The following LACTB variants were observed in gnomAD, a reference collection of about 807,000 sequenced individuals.
LACTB encodes serine beta-lactamase-like protein LACTB, mitochondrial.
Under a neutral mutation model 50.2 loss-of-function variants are expected in LACTB, and 35 were observed. That is an observed-to-expected ratio of 0.70 (90% CI 0.53 to 0.92). The LOEUF (loss-of-function observed/expected upper bound fraction) is 0.92. Among genes scored for constraint, LACTB ranks in the 40% least tolerant of loss-of-function variants. The pLI, the probability that LACTB is intolerant of heterozygous loss-of-function variation, is 0.00. For synonymous variants in LACTB, 252 were observed against 268.2 expected (o/e 0.94, Z 0.59); for missense variants, 664 against 691.8 (o/e 0.96, Z 0.45).
intron 5 of LACTB, among the ~76,000 whole-genome samples, chr15:63,131,632 T>C (rs1376685376): frequency 6.6e-6 from 1 of 152,140 alleles, no homozygotes; most frequent in Non-Finnish European, 1.5e-5. Context: ...ATTAAGTACA[T>C]ACATTTTCTT....
chr15:63,136,364 G>A (rs2037177297), intron 5 of LACTB, among the ~76,000 whole-genome samples: 1 of 151,958 alleles, frequency 6.6e-6, no homozygotes, highest in African/African-American at 2.4e-5. Flanking sequence ...AAGGCGATGG[G>A]TTTCTATCTC....
At chr15:63,133,720 A>G (rs1014763207) in intron 5 of LACTB, among the ~76,000 whole-genome samples, 1 of 152,242 alleles carries the variant, frequency 6.6e-6, no homozygotes, top group Non-Finnish European at 1.5e-5. Context: ...GATTAAAGTA[A>G]TGTGAACTAA....
chr15:63,124,624 G>T (rs1004200606), intron 2 of LACTB, among the ~76,000 whole-genome samples: 2 of 151,878 alleles, frequency 1.3e-5, no homozygotes, highest in African/African-American at 4.8e-5. Flanking sequence ...GATCTAATTG[G>T]TCATCCTAGG....
At chr15:63,137,122 A>G (rs1470328395) in intron 5 of LACTB, among the ~76,000 whole-genome samples, 1 of 152,230 alleles carries the variant, frequency 6.6e-6, no homozygotes, top group Non-Finnish European at 1.5e-5. Flanking sequence ...GTTGTCTTGA[A>G]TAAAATTGGG....
intron 4 of LACTB, among the ~76,000 whole-genome samples, chr15:63,127,930 C>G (rs2037075612): frequency 6.6e-6 from 1 of 152,208 alleles, no homozygotes; most frequent in Non-Finnish European, 1.5e-5. Context: ...TCAAGATGTT[C>G]ATGCAAACTT....
rs570910179 is a variant in LACTB at position 63,134,042 on chromosome 15, G to C, written c.1118+4392G>C. ...AGAAGTTTATAAAATGGCCAGTTGA[G>C]TTATATCTTGATTATTTGTGGTCAG... On this transcript the variant is annotated intron_variant, in intron 5 of 5. Transcript: ENST00000261893. 2.6e-5 allele frequency among the ~76,000 whole-genome samples: 4 copies of C among 152,232 alleles called. 1 individual carries two copies. In the East Asian group the frequency reaches 7.7e-4, roughly 29 times the overall value.
chr15:63,132,409 G>A (rs1189458647), intron 5 of LACTB, among the ~76,000 whole-genome samples: 1 of 152,146 alleles, frequency 6.6e-6, no homozygotes, highest in African/African-American at 2.4e-5. Context: ...TATATGTGTA[G>A]ATATTTAATT....
intron 5 of LACTB, among the ~76,000 whole-genome samples, chr15:63,132,270 G>A (rs2037141294): frequency 6.6e-6 from 1 of 152,098 alleles, no homozygotes; most frequent in African/African-American, 2.4e-5. Flanking sequence ...TGTACCCAGT[G>A]TTTAGCCCCT....
At chr15:63,137,410 A>T (rs1367012848) in intron 5 of LACTB, among the ~76,000 whole-genome samples, 1 of 152,194 alleles carries the variant, frequency 6.6e-6, no homozygotes, top group Non-Finnish European at 1.5e-5. Flanking sequence ...TTATAACTAG[A>T]TGGGATGAAA....
intron 2 of LACTB, among the ~76,000 whole-genome samples, chr15:63,124,053 T>A (rs1392130543): frequency 1.3e-5 from 2 of 152,210 alleles, no homozygotes; most frequent in African/African-American, 4.8e-5. Context: ...TTGACGCTCT[T>A]CGCTACCGCT....
chr15:63,124,089 C>T (rs561054233), intron 2 of LACTB, among the ~76,000 whole-genome samples: 1 of 152,300 alleles, frequency 6.6e-6, no homozygotes, highest in East Asian at 1.9e-4. Flanking sequence ...TGGCAACGGG[C>T]GTCTTCCTAG....
intron 5 of LACTB, among the ~76,000 whole-genome samples, chr15:63,134,011 TGA>T (rs991723522): frequency 5.3e-4 from 80 of 152,266 alleles, no homozygotes; most frequent in African/African-American, 1.9e-3. Flanking sequence ...GTTAGGAGGG[TGA>T]GTCAGAAGTT....
Position 63,122,695 on chromosome 15 carries a change from G to T in LACTB, c.417G>T (p.Trp139Cys). The T allele has an allele frequency of 6.2e-7, 1 of 1,611,842 alleles. No homozygotes were observed. Among genetic ancestry groups the T allele is most frequent in the Non-Finnish European group, 8.5e-7 (1 of 1,177,860 alleles). ...VGVSVDGKEV[W>C]SEGLGYADVE... ...TTTCTGTAGATGGAAAAGAAGTCTG[G>T]TCAGAAGGTGGGTTCAGAAAATTGT... is the stretch of plus-strand genomic sequence containing the variant. The change falls in exon 2 of 6, where the codon TGG becomes TGT. Residue 139 changes from tryptophan to cysteine, a missense_variant. Coordinates refer to ENST00000261893, the MANE Select transcript of LACTB (RefSeq NM_032857.5).
chr15:63,138,885 CTA>C (rs200599042), intron 5 of LACTB, among the ~76,000 whole-genome samples: 2 of 149,756 alleles, frequency 1.3e-5, no homozygotes, highest in Non-Finnish European at 1.5e-5. Context: ...ACTAAAAATA[CTA>C]TATATATATA....
chr15:63,126,692 TA>T (rs1361960674), intron 2 of LACTB, among the ~76,000 whole-genome samples, 166 bp from the exon 3 acceptor site: 1 of 152,252 alleles, frequency 6.6e-6, no homozygotes, highest in Non-Finnish European at 1.5e-5. Context: ...ACCGATATAC[TA>T]AGATTTTAAT....
At chr15:63,138,395 A>G (rs1390823836) in intron 5 of LACTB, among the ~76,000 whole-genome samples, 3 of 152,222 alleles carry the variant, frequency 2.0e-5, no homozygotes, top group African/African-American at 4.8e-5. Flanking sequence ...GGAGATTCTT[A>G]TAAATAAGTA....
intron 2 of LACTB, among the ~76,000 whole-genome samples, chr15:63,126,418 A>T (rs557930045): frequency 6.6e-6 from 1 of 152,358 alleles, no homozygotes; most frequent in Non-Finnish European, 1.5e-5. Flanking sequence ...CTCAGATTAT[A>T]GGCATGAGTC....
chr15:63,137,596 C>T (rs1045585999), intron 5 of LACTB, among the ~76,000 whole-genome samples: 1 of 152,190 alleles, frequency 6.6e-6, no homozygotes, highest in Non-Finnish European at 1.5e-5. Context: ...TATCCATCCC[C>T]TCAAGTATTT....
chr15:63,132,364 T>C lies in LACTB; in HGVS notation c.1118+2714T>C, dbSNP rs938934510. Among the ~76,000 whole-genome samples the C allele has an allele frequency of 1.6e-4, 25 of 152,234 alleles. 1 individual carries two copies. Among genetic ancestry groups the C allele is most frequent in the African/African-American group, 6.0e-4 (25 of 41,448 alleles). On this transcript the variant is annotated intron_variant, in intron 5 of 5. Coordinates refer to ENST00000261893, the MANE Select transcript of LACTB (RefSeq NM_032857.5). ...ATAATGGCCTCTAGCTACATTTATGTTGCTGCAAAGGACATGATTTTGTTC... is the reference window on the plus strand; with the variant it reads ...ATAATGGCCTCTAGCTACATTTATGCTGCTGCAAAGGACATGATTTTGTTC...
Sources: gnomAD v4.1 joint callset for allele counts (sites outside exome capture counted in the v4.1 genomes callset) on GRCh38, gnomAD v4.1.1 for gene constraint, MANE v1.5 for transcripts, NCBI Gene and HGNC (gene_info 2026-07-23, HGNC 2026-07-21) for gene names.